Variants in PTPRK observed in about 807,000 individuals in gnomAD.
The protein encoded by PTPRK is receptor-type tyrosine-protein phosphatase kappa.
In PTPRK, 75 loss-of-function variants were observed where a neutral mutation model predicts 178.0. The ratio of observed to expected loss-of-function variants is 0.42; its 90% CI spans 0.35 to 0.51. The LOEUF is 0.51. Ranked by LOEUF, PTPRK falls within the 20% of genes least tolerant of loss-of-function variation. The probability of loss-of-function intolerance (pLI) is 0.02; values close to 1 mark genes in which losing one functional copy is unlikely to be tolerated. For synonymous variants in PTPRK, 637 were observed against 620.6 expected, an observed-to-expected ratio of 1.03 and a Z score of -0.39; for missense variants, 1,441 against 1,797.8, an observed-to-expected ratio of 0.80 and a Z score of 3.59.
At chr6:128,343,630 A>C (rs1339204252) in intron 2 of PTPRK, among the ~76,000 whole-genome samples, 1 of 152,202 alleles carries the variant, frequency 6.6e-6, no homozygotes, top group Non-Finnish European at 1.5e-5. Flanking sequence ...TTAAATAAAA[A>C]AAATTCTTAA....
chr6:128,412,931 C>T (rs1441852474), intron 1 of PTPRK, among the ~76,000 whole-genome samples: 1 of 152,180 alleles, frequency 6.6e-6, no homozygotes, highest in African/African-American at 2.4e-5. Context: ...TACATGCCCA[C>T]ACTAGGAATT....
intron 1 of PTPRK, among the ~76,000 whole-genome samples, chr6:128,399,656 C>T (rs985928684): frequency 1.3e-5 from 2 of 152,180 alleles, no homozygotes; most frequent in Non-Finnish European, 2.9e-5. Flanking sequence ...GCCCCCATTA[C>T]CCTTTATAAT....
chr6:128,162,317 C>G (rs1798819856), intron 7 of PTPRK, among the ~76,000 whole-genome samples: 1 of 151,534 alleles, frequency 6.6e-6, no homozygotes, highest in Admixed American at 6.6e-5. Context: ...AAATTTACTC[C>G]ATTTTATCTT....
Position 128,235,544 on chromosome 6 carries a change from C to A in PTPRK, c.693+4491G>T, listed in dbSNP as rs775779192. Reference sequence around the variant, plus strand: ...TTCCTCAGGAATACAGACATCCTTCCTTATCCAAGGTCGCACTTTGGGCAG... The same window carrying A: ...TTCCTCAGGAATACAGACATCCTTCATTATCCAAGGTCGCACTTTGGGCAG... On this transcript the variant is annotated intron_variant, in intron 5 of 29. Transcript: ENST00000368226. 4 of 500,552 alleles carry A rather than the reference C, an allele frequency of 8.0e-6. No individual in the cohort carries two copies. In the Admixed American group the frequency reaches 8.4e-5, roughly 11 times the overall value. 31.0% of individuals were successfully genotyped at this position (500,552 alleles called of 1,614,324 possible).
At chr6:128,275,482 T>C (rs777292758) in intron 3 of PTPRK, among the ~76,000 whole-genome samples, 13 of 151,922 alleles carry the variant, frequency 8.6e-5, no homozygotes, top group Non-Finnish European at 1.6e-4. Context: ...AGATTTTCAT[T>C]TGGGGTCTAT....
intron 2 of PTPRK, among the ~76,000 whole-genome samples, chr6:128,389,594 G>T (rs1022760599): frequency 6.6e-6 from 1 of 151,888 alleles, no homozygotes; most frequent in Non-Finnish European, 1.5e-5. Flanking sequence ...CCAGGGAAAA[G>T]AAATTTTGAG....
At chr6:128,204,561 C>T (rs1316784384) in intron 6 of PTPRK, among the ~76,000 whole-genome samples, 2 of 151,184 alleles carry the variant, frequency 1.3e-5, no homozygotes, top group Non-Finnish European at 2.9e-5. Context: ...GGAACTTAAG[C>T]GAATTTACAA....
intron 11 of PTPRK, among the ~76,000 whole-genome samples, chr6:128,072,625 A>C (rs1034973328): frequency 6.6e-6 from 1 of 151,952 alleles, no homozygotes; most frequent in Non-Finnish European, 1.5e-5. Flanking sequence ...TTATATCTCC[A>C]TTCTTGTTTT....
intron 1 of PTPRK, among the ~76,000 whole-genome samples, chr6:128,419,731 T>A (rs1351285063): frequency 6.6e-6 from 1 of 152,212 alleles, no homozygotes; most frequent in Non-Finnish European, 1.5e-5. Context: ...TGGGAACCTC[T>A]CATTGCCAGT....
At chr6:128,152,915 G>A (rs1384738977) in intron 7 of PTPRK, among the ~76,000 whole-genome samples, 1 of 152,094 alleles carries the variant, frequency 6.6e-6, no homozygotes, top group African/African-American at 2.4e-5. Context: ...TCTAGAGGCA[G>A]TACCTGGTGA....
intron 15 of PTPRK, among the ~76,000 whole-genome samples, chr6:128,002,354 T>G (rs1245621548): frequency 6.6e-6 from 1 of 151,830 alleles, no homozygotes; most frequent in Admixed American, 6.6e-5. Flanking sequence ...ATTTATTTGA[T>G]AGTTTCCATA....
intron 7 of PTPRK, among the ~76,000 whole-genome samples, chr6:128,104,144 T>C (rs544688843): frequency 2.0e-5 from 3 of 152,362 alleles, no homozygotes; most frequent in Admixed American, 6.5e-5. Context: ...TTCCTTGATA[T>C]CCATTTACTT....
At chr6:128,260,255 T>G (rs1817982652) in intron 3 of PTPRK, among the ~76,000 whole-genome samples, 1 of 152,000 alleles carries the variant, frequency 6.6e-6, no homozygotes, top group South Asian at 2.1e-4. Context: ...AGCAGAGGAG[T>G]GACATAATCT....
intron 2 of PTPRK, among the ~76,000 whole-genome samples, chr6:128,351,857 T>C (rs1833186289): frequency 6.6e-6 from 1 of 152,158 alleles, no homozygotes; most frequent in Non-Finnish European, 1.5e-5. Context: ...GAATCAGATT[T>C]CTGGGGTCCA....
chr6:128,300,763 T>C (rs530865414), intron 3 of PTPRK, among the ~76,000 whole-genome samples: 1 of 151,962 alleles, frequency 6.6e-6, no homozygotes, highest in African/African-American at 2.4e-5. Context: ...TAATGCTAAA[T>C]GACAAGTTAA....
chr6:128,140,308 G>A (rs1795589079), intron 7 of PTPRK, among the ~76,000 whole-genome samples: 1 of 151,974 alleles, frequency 6.6e-6, no homozygotes. Context: ...TTGTACAAGT[G>A]GCCTTTGAAA....
intron 5 of PTPRK, among the ~76,000 whole-genome samples, chr6:128,238,627 A>G (rs1208372946): frequency 6.6e-6 from 1 of 152,224 alleles, no homozygotes; most frequent in Non-Finnish European, 1.5e-5. Flanking sequence ...ACATATATCT[A>G]AAATCATTTT....
intron 1 of PTPRK, among the ~76,000 whole-genome samples, chr6:128,472,122 C>G (rs1850758882): frequency 6.6e-6 from 1 of 152,108 alleles, no homozygotes; most frequent in South Asian, 2.1e-4. Context: ...TCCAAGGCTG[C>G]TTCTTCCCTC....
intron 7 of PTPRK, among the ~76,000 whole-genome samples, chr6:128,156,037 T>C (rs1035616491): frequency 5.3e-5 from 8 of 151,974 alleles, no homozygotes; most frequent in Non-Finnish European, 1.2e-4. Context: ...TGTGCTGATG[T>C]AGCAATTATT....
Sources: gnomAD v4.1 joint callset for allele counts (sites outside exome capture counted in the v4.1 genomes callset) on GRCh38, gnomAD v4.1.1 for gene constraint, MANE v1.5 for transcripts, NCBI Gene and HGNC (gene_info 2026-07-23, HGNC 2026-07-21) for gene names.